The following FOXN3 variants were observed in gnomAD, a reference collection of about 807,000 sequenced individuals.
FOXN3 encodes forkhead box N3, also known as forkhead box protein N3.
A neutral mutation model predicts 38.4 loss-of-function variants in FOXN3; 7 were observed. The ratio of observed to expected loss-of-function variants is 0.18; its 90% confidence interval spans 0.10 to 0.34. FOXN3 has a LOEUF of 0.34. FOXN3 is among the 10% of genes least tolerant of loss of function. The pLI is 1.00. For synonymous variants in FOXN3, 230 were observed against 242.2 expected, an observed-to-expected ratio of 0.95 and a Z score of 0.47; for missense variants, 456 against 613.4, an observed-to-expected ratio of 0.74 and a Z score of 2.71.
chr14:89,431,618 T>C (rs1892160075), intron 1 of FOXN3, among the ~76,000 whole-genome samples: 1 of 152,194 alleles, frequency 6.6e-6, no homozygotes, highest in Admixed American at 6.5e-5. Context: ...TTTGTTTCGA[T>C]ATGTTTTATT....
intron 2 of FOXN3, among the ~76,000 whole-genome samples, chr14:89,380,847 C>T (rs1257684329): frequency 2.0e-5 from 3 of 152,038 alleles, no homozygotes; most frequent in South Asian, 2.1e-4. Context: ...TCAAATCAGG[C>T]CAGGTGTGGT....
At chr14:89,226,432 C>T (rs766098973) in intron 4 of FOXN3, among the ~76,000 whole-genome samples, 43 of 152,094 alleles carry the variant, frequency 2.8e-4, no homozygotes, top group Non-Finnish European at 4.1e-4. Flanking sequence ...CACACCACCA[C>T]GCCCAGGTAA....
chr14:89,407,593 A>T (rs1891428283), intron 2 of FOXN3, among the ~76,000 whole-genome samples: 1 of 152,134 alleles, frequency 6.6e-6, no homozygotes, highest in South Asian at 2.1e-4. Flanking sequence ...GCACTGTGGG[A>T]GGCTGGGGCA....
chr14:89,326,434 T>G (rs1235553723), intron 3 of FOXN3, among the ~76,000 whole-genome samples: 1 of 152,228 alleles, frequency 6.6e-6, no homozygotes, highest in African/African-American at 2.4e-5. Context: ...AAAGCATCCC[T>G]TCACCAAGGC....
chr14:89,616,188 C>CA (rs1416820355), intron 1 of FOXN3, among the ~76,000 whole-genome samples: 1 of 140,508 alleles, frequency 7.1e-6, no homozygotes, highest in Non-Finnish European at 1.5e-5. Flanking sequence ...TTTTGCTTAG[C>CA]AAAATGAACG....
intron 1 of FOXN3, among the ~76,000 whole-genome samples, chr14:89,609,848 G>A (rs1896354862): frequency 6.6e-6 from 1 of 152,146 alleles, no homozygotes; most frequent in East Asian, 1.9e-4. Flanking sequence ...AGAAAGCAAT[G>A]AGAAGCCCTG....
intron 1 of FOXN3, among the ~76,000 whole-genome samples, chr14:89,536,953 C>T (rs1336331082): frequency 6.6e-6 from 1 of 152,138 alleles, no homozygotes; most frequent in African/African-American, 2.4e-5. Context: ...CATGGCATGA[C>T]CCCTTGATTA....
At position 89,161,604 on chromosome 14, in the gene FOXN3, T is replaced by TGTGTGTGTGC. The variant is rs1182625512; in HGVS notation, c.*809_*810insGCACACACAC. On this transcript the variant is annotated 3_prime_UTR_variant, in exon 6 of 6. Transcript: ENST00000557258. ...GTGTGTGTGTGTGTGTGTGCGTGCG[T>TGTGTGTGTGC]GCACAGGGCCAATCTTCAGGCTTAT... is the stretch of plus-strand genomic sequence containing the variant. 7.0e-6 allele frequency: 1 copy of TGTGTGTGTGC among 143,792 alleles called. No homozygotes were observed. Among genetic ancestry groups the TGTGTGTGTGC allele is most frequent in the Non-Finnish European group, 1.6e-5 (1 of 64,276 alleles). 8.9% of individuals were successfully genotyped at this position (143,792 alleles called of 1,614,324 possible).
intron 1 of FOXN3, among the ~76,000 whole-genome samples, chr14:89,569,099 G>A (rs1464278665): frequency 1.3e-5 from 2 of 152,156 alleles, no homozygotes; most frequent in Admixed American, 6.5e-5. Flanking sequence ...CAGCTACTCT[G>A]GAGGCTGAGG....
intron 1 of FOXN3, among the ~76,000 whole-genome samples, chr14:89,477,743 T>C (rs1054530173): frequency 6.6e-6 from 1 of 152,144 alleles, no homozygotes; most frequent in Non-Finnish European, 1.5e-5. Context: ...CAGCTTAATT[T>C]CTGAATTCTT....
intron 1 of FOXN3, among the ~76,000 whole-genome samples, chr14:89,615,262 G>C (rs1217633211): frequency 1.3e-5 from 2 of 151,830 alleles, no homozygotes; most frequent in Non-Finnish European, 2.9e-5. Context: ...ATCGACACTG[G>C]CATTTGGTTG....
At position 89,375,099 on chromosome 14, in the gene FOXN3, G is replaced by A. The variant is rs181662234; in HGVS notation, c.544-24291C>T. ...CTGTGGCTGCCTGAGGGTTTTGGTGGAGGGGTAGGAGATTGACTTGACTAC... is the reference window on the plus strand; with the variant it reads ...CTGTGGCTGCCTGAGGGTTTTGGTGAAGGGGTAGGAGATTGACTTGACTAC... On this transcript the variant is annotated intron_variant, in intron 2 of 5. Coordinates refer to ENST00000557258, the MANE Select transcript of FOXN3 (RefSeq NM_005197.4). Among the ~76,000 whole-genome samples, 17 of 152,310 alleles carry A rather than the reference G, an allele frequency of 1.1e-4. No individual in the cohort carries two copies. In the East Asian group the frequency reaches 3.3e-3, roughly 29 times the overall value.
intron 3 of FOXN3, among the ~76,000 whole-genome samples, chr14:89,325,533 T>C (rs1221338280): frequency 1.3e-5 from 2 of 152,162 alleles, no homozygotes; most frequent in African/African-American, 4.8e-5. Flanking sequence ...AAATGGAGGG[T>C]GGAGAACCAC....
At chr14:89,347,681 C>T (rs1398221746) in intron 3 of FOXN3, among the ~76,000 whole-genome samples, 9 of 152,260 alleles carry the variant, frequency 5.9e-5, no homozygotes, top group South Asian at 4.1e-4. Flanking sequence ...GGGCCGGGCG[C>T]GGTGGCTCAC....
At chr14:89,511,193 T>TTTCTTTCTTTCTTTC (rs1566681007) in intron 1 of FOXN3, among the ~76,000 whole-genome samples, 1 of 15,864 alleles carries the variant, frequency 6.3e-5, no homozygotes, top group East Asian at 5.6e-4. Flanking sequence ...TTCTTTCTTT[T>TTTCTTTCTTTCTTTC]CTTTCTTTCT....
chr14:89,303,174 G>T (rs74857341), intron 3 of FOXN3, among the ~76,000 whole-genome samples: 1 of 152,036 alleles, frequency 6.6e-6, no homozygotes, highest in Non-Finnish European at 1.5e-5. Flanking sequence ...AGTTGCTCAT[G>T]GTCCCTTGGA....
At chr14:89,436,079 G>A (rs1427412574) in intron 1 of FOXN3, among the ~76,000 whole-genome samples, 2 of 150,724 alleles carry the variant, frequency 1.3e-5, no homozygotes, top group Non-Finnish European at 3.0e-5. Context: ...GGGCTCAAGC[G>A]ATCCTCCTGC....
chr14:89,436,624 G>A (rs1053862781), intron 1 of FOXN3, among the ~76,000 whole-genome samples: 2 of 152,190 alleles, frequency 1.3e-5, no homozygotes, highest in African/African-American at 4.8e-5. Flanking sequence ...TCCCCCTGTC[G>A]TTTAGACAGC....
intron 4 of FOXN3, among the ~76,000 whole-genome samples, chr14:89,184,709 C>A (rs1887758978): frequency 6.6e-6 from 1 of 152,226 alleles, no homozygotes; most frequent in African/African-American, 2.4e-5. Context: ...GAGGCTTAAA[C>A]ATACCTTGCA....
Sources: allele counts gnomAD v4.1 joint callset (sites outside exome capture counted in the v4.1 genomes callset), GRCh38; gene constraint gnomAD v4.1.1; transcripts MANE v1.5; gene names NCBI Gene and HGNC (gene_info 2026-07-23, HGNC 2026-07-21).